The following SUCO variants were observed in gnomAD, a reference collection of about 807,000 sequenced individuals.
SUCO encodes SUN domain-containing ossification factor.
SUCO carries 57 observed loss-of-function variants against 148.1 expected under a neutral mutation model. That is an observed-to-expected ratio of 0.38 (90% CI 0.31 to 0.48). SUCO has a LOEUF of 0.48. Among genes scored for constraint, SUCO ranks in the 20% least tolerant of loss-of-function variants. The pLI, the probability that SUCO is intolerant of heterozygous loss-of-function variation, is 0.96. For synonymous variants in SUCO, 470 were observed against 502.7 expected (o/e 0.93, Z 0.87); for missense variants, 1,331 against 1,468.2 (o/e 0.91, Z 1.53).
At chr1:172,588,035 G>A (rs1159557647) in intron 17 of SUCO, 3 of 949,308 alleles carry the variant, frequency 3.2e-6, no homozygotes, top group East Asian at 1.1e-4. Context: ...AGCACTGTTA[G>A]CATATCATAA....
chr1:172,574,202 A>G lies in SUCO; in HGVS notation c.1157+204A>G, dbSNP rs771631830. Among the ~76,000 whole-genome samples, 22 of 152,124 alleles carry G rather than the reference A, an allele frequency of 1.4e-4. 1 individual carries two copies. The highest frequency in any genetic ancestry group is 2.8e-4 in the Non-Finnish European group (19 of 67,946). On this transcript the variant is annotated intron_variant, in intron 10 of 23. Transcript: ENST00000263688. Reference sequence around the variant, plus strand: ...CTTCATTAGCTCATATGCTTTAAACATAACCATATGATATTATTCTCTTAT... The same window carrying G: ...CTTCATTAGCTCATATGCTTTAAACGTAACCATATGATATTATTCTCTTAT...
At chr1:172,587,316 A>G (rs1458573177) in intron 17 of SUCO, among the ~76,000 whole-genome samples, 1 of 152,076 alleles carries the variant, frequency 6.6e-6, no homozygotes, top group East Asian at 1.9e-4. Context: ...TGTCACTGTT[A>G]AAGTTACGGA....
intron 6 of SUCO, among the ~76,000 whole-genome samples, chr1:172,563,241 G>A (rs1350616464): frequency 6.6e-6 from 1 of 152,208 alleles, no homozygotes; most frequent in African/African-American, 2.4e-5. Context: ...AGTGACTTTG[G>A]AACTGGGAAA....
rs754659220 is a variant in SUCO, at chr1:172,585,004, G to C, written c.1499-14G>C. The stretch of plus-strand genomic sequence containing the variant: ...TAGGTATTTGGTACTTTTTCTGATT[G>C]AATTTTGTTTTAGATGCCATTCTAA... On this transcript the variant is annotated splice_polypyrimidine_tract_variant and intron_variant, in intron 15 of 23. Transcript: ENST00000263688. 3 of 1,564,712 alleles carry C rather than the reference G, an allele frequency of 1.9e-6. No individual in the cohort carries two copies.
At chr1:172,593,391 G>C (rs1656821496) in intron 19 of SUCO, among the ~76,000 whole-genome samples, 1 of 152,184 alleles carries the variant, frequency 6.6e-6, no homozygotes, top group Non-Finnish European at 1.5e-5. Context: ...TGTCCATTCA[G>C]TATGATATTG....
In SUCO at chr1:172,589,914, A is replaced by G; in HGVS notation, c.2813A>G (p.Glu938Gly). ...TCTCTCAGTGGTCGCTATCTGGAGG[A>G]GCTTAGCCAAAGGTAAGCTTTATTA... ...NMSLSGRYLE[E>G]LSQRYRKQME... Residue 938 changes from glutamate to glycine, a missense_variant, in exon 18 of 24, where the codon GAG becomes GGG. Transcript: ENST00000263688. 6.6e-7 allele frequency: 1 copy of G among 1,521,136 alleles called. No homozygotes were observed. The highest frequency in any genetic ancestry group is 8.7e-7 in the Non-Finnish European group (1 of 1,146,274). 94.2% of individuals were successfully genotyped at this position (1,521,136 alleles called of 1,614,324 possible).
In SUCO at chr1:172,535,823, C is replaced by T. The variant is rs560924025; in HGVS notation, c.62+2326C>T. Among the ~76,000 whole-genome samples, 235 of 152,282 alleles carry T rather than the reference C, an allele frequency of 1.5e-3. 9 individuals carry two copies. The South Asian group carries it at 0.047, about 30-fold the overall frequency. ...TACCAATATTACTGTGTTATGTTTACTATCATAATTTTGTAGATCTTGATT... is the reference window on the plus strand; with the variant it reads ...TACCAATATTACTGTGTTATGTTTATTATCATAATTTTGTAGATCTTGATT... On this transcript the variant is annotated intron_variant, in intron 1 of 23. Transcript: ENST00000263688.
At position 172,610,328 on chromosome 1, in the gene SUCO, G is replaced by A; in HGVS notation, c.*69G>A. The A allele has an allele frequency of 5.4e-6, 8 of 1,493,408 alleles. No individual in the cohort carries two copies. The highest frequency in any genetic ancestry group is 7.1e-6 in the Non-Finnish European group (8 of 1,123,876). 92.5% of individuals were successfully genotyped at this position (1,493,408 alleles called of 1,614,324 possible). On this transcript the variant is annotated 3_prime_UTR_variant, in exon 24 of 24. Transcript: ENST00000263688. ...CTTTGAAGAACAGTCTGTAGTATTT[G>A]AAGGGTTTGGGGGAGGGAGAAAATA...
chr1:172,544,407 CAGTT>C (rs1461884445), intron 1 of SUCO, among the ~76,000 whole-genome samples: 1 of 152,182 alleles, frequency 6.6e-6, no homozygotes, highest in Admixed American at 6.6e-5. Flanking sequence ...CAAAAATAAA[CAGTT>C]AATTTCATTT....
At chr1:172,573,251 T>C (rs1655180448) in intron 9 of SUCO, among the ~76,000 whole-genome samples, 1 of 152,190 alleles carries the variant, frequency 6.6e-6, no homozygotes, top group Admixed American at 6.5e-5. Context: ...ACAGATCTGC[T>C]TTCTGTTACT....
intron 6 of SUCO, among the ~76,000 whole-genome samples, chr1:172,565,978 T>A (rs980503474): frequency 6.6e-6 from 1 of 152,200 alleles, no homozygotes; most frequent in Non-Finnish European, 1.5e-5. Context: ...GTCTTCCACA[T>A]GGGATTTGGG....
At chr1:172,607,424 T>C (rs375204140) in intron 22 of SUCO, among the ~76,000 whole-genome samples, 20 of 151,582 alleles carry the variant, frequency 1.3e-4, no homozygotes, top group African/African-American at 4.9e-4. Context: ...GAGTCTCAGT[T>C]TACTGTACAC....
At chr1:172,584,899 A>C (rs1656130810) in intron 15 of SUCO, 119 bp from the exon 16 acceptor site, 1 of 610,598 alleles carries the variant, frequency 1.6e-6, no homozygotes, top group South Asian at 2.9e-5. Flanking sequence ...AGGTGAATAC[A>C]AAAGTAACCA....
intron 17 of SUCO, among the ~76,000 whole-genome samples, chr1:172,586,425 C>T (rs908372928): frequency 6.6e-6 from 1 of 152,126 alleles, no homozygotes; most frequent in Non-Finnish European, 1.5e-5. Flanking sequence ...ATCATGTAGG[C>T]CTTTCCCCAG....
At chr1:172,579,819 C>T (rs1407535137) in intron 15 of SUCO, among the ~76,000 whole-genome samples, 1 of 152,072 alleles carries the variant, frequency 6.6e-6, no homozygotes, top group African/African-American at 2.4e-5. Flanking sequence ...ACCTGACTGA[C>T]ACTTTATTTT....
At chr1:172,586,870 T>G (rs1558201569) in intron 17 of SUCO, among the ~76,000 whole-genome samples, 1 of 152,084 alleles carries the variant, frequency 6.6e-6, no homozygotes, top group Non-Finnish European at 1.5e-5. Context: ...ACTGGAGATA[T>G]TTATTGGGTA....
chr1:172,535,166 A>G (rs1373047453), intron 1 of SUCO, among the ~76,000 whole-genome samples: 2 of 152,348 alleles, frequency 1.3e-5, no homozygotes, highest in East Asian at 3.9e-4. Context: ...GTTAGGGAAC[A>G]AATCGGTTGG....
intron 1 of SUCO, among the ~76,000 whole-genome samples, chr1:172,534,716 G>A (rs1319617266): frequency 6.6e-6 from 1 of 152,184 alleles, no homozygotes; most frequent in Non-Finnish European, 1.5e-5. Flanking sequence ...AGAAGTGCCT[G>A]TAAGAGATAA....
At chr1:172,559,911 C>T (rs1654021671) in intron 6 of SUCO, among the ~76,000 whole-genome samples, 1 of 152,102 alleles carries the variant, frequency 6.6e-6, no homozygotes, top group African/African-American at 2.4e-5. Flanking sequence ...GTCCAAGACC[C>T]GCCTCCAGAA....
Sources: gnomAD v4.1 joint callset for allele counts (sites outside exome capture counted in the v4.1 genomes callset) on GRCh38, gnomAD v4.1.1 for gene constraint, MANE v1.5 for transcripts, NCBI Gene and HGNC (gene_info 2026-07-23, HGNC 2026-07-21) for gene names.